The following SLC9A7 variants were observed in gnomAD, a reference collection of about 807,000 sequenced individuals.
SLC9A7 encodes solute carrier family 9 member A7.
In SLC9A7, 19 loss-of-function variants were observed where a neutral mutation model predicts 52.6. The ratio of observed to expected loss-of-function variants is 0.36; its 90% CI spans 0.25 to 0.53. The LOEUF is 0.53. Ranked by LOEUF, SLC9A7 falls within the 20% of genes least tolerant of loss-of-function variation. The probability of loss-of-function intolerance (pLI) is 0.91; values close to 1 mark genes in which losing one functional copy is unlikely to be tolerated. For synonymous variants in SLC9A7, 226 were observed against 252.1 expected (o/e 0.90, Z 0.98); for missense variants, 455 against 597.9 (o/e 0.76, Z 2.49).
chrX:46,706,865 C>T (rs1179881506), intron 1 of SLC9A7, among the ~76,000 whole-genome samples: 7 of 111,344 alleles, frequency 6.3e-5, no homozygotes, highest in Admixed American at 1.9e-4. Flanking sequence ...CTCAGCCTCC[C>T]GAGTAGCTGG....
chrX:46,649,070 ATATC>A (rs60152703), intron 10 of SLC9A7, among the ~76,000 whole-genome samples: 53 of 105,398 alleles, frequency 5.0e-4, no homozygotes, highest in South Asian at 2.6e-3. Context: ...AATTCAACTG[ATATC>A]TATCTATCTA....
At chrX:46,708,184 G>T (rs1944633272) in intron 1 of SLC9A7, among the ~76,000 whole-genome samples, 1 of 111,807 alleles carries the variant, frequency 8.9e-6, no homozygotes, top group African/African-American at 3.3e-5. Flanking sequence ...CACGAAAAAT[G>T]ATATACTCTG....
intron 7 of SLC9A7, among the ~76,000 whole-genome samples, chrX:46,656,451 G>T (rs201234966): frequency 2.8e-5 from 3 of 105,595 alleles, no homozygotes; most frequent in African/African-American, 1.1e-4. Context: ...TCAAACCAAA[G>T]GCAAAGAAGT....
Position 46,606,826 on chromosome X carries a change from A to G in SLC9A7, c.*126T>C. 1.7e-6 allele frequency: 2 copies of G among 1,150,274 alleles called. No homozygotes were observed. 94.8% of individuals were successfully genotyped at this position (1,150,274 alleles called of 1,213,427 possible). A position where few individuals can be genotyped will look rare whatever the true frequency, so the allele number is the denominator to read the frequency against. The stretch of plus-strand genomic sequence containing the variant: ...AAATTTTAAGTGTTACAATAGCTTC[A>G]GACCCCAATAAAATAGAAGAGTTAG... On this transcript the variant is annotated 3_prime_UTR_variant, in exon 17 of 17. Transcript: ENST00000616978.
At chrX:46,648,845 A>G (rs1943536135) in intron 10 of SLC9A7, 48 bp from the exon 11 acceptor site, 1 of 938,516 alleles carries the variant, frequency 1.1e-6, no homozygotes, top group Non-Finnish European at 1.5e-6. Context: ...CCAGAATGGC[A>G]TTCCACACAA....
chrX:46,708,933 T>G (rs1267283577), intron 1 of SLC9A7, among the ~76,000 whole-genome samples: 2 of 111,458 alleles, frequency 1.8e-5, no homozygotes, highest in African/African-American at 6.5e-5. Context: ...GGGACAAAAA[T>G]CCTGCCCTCC....
At chrX:46,750,878 A>G (rs1250630081) in intron 1 of SLC9A7, among the ~76,000 whole-genome samples, 1 of 112,537 alleles carries the variant, frequency 8.9e-6, no homozygotes, top group Non-Finnish European at 1.9e-5. Flanking sequence ...TGTCCTTTAC[A>G]TTTGTATGTA....
intron 1 of SLC9A7, among the ~76,000 whole-genome samples, chrX:46,698,576 G>C (rs1411593): frequency 0.25 from 28,083 of 110,419 alleles, 3,048 homozygotes; most frequent in East Asian, 0.56. Flanking sequence ...TTTATGGACT[G>C]GTTGTTCTCT....
At chrX:46,730,622 T>C (rs1415415924) in intron 1 of SLC9A7, among the ~76,000 whole-genome samples, 4 of 89,567 alleles carry the variant, frequency 4.5e-5, no homozygotes, top group Non-Finnish European at 6.5e-5. Context: ...ATCACACCAC[T>C]GCACTCCAGC....
At chrX:46,725,923 A>C in intron 1 of SLC9A7, 1 of 354,696 alleles carries the variant, frequency 2.8e-6, no homozygotes, top group Non-Finnish European at 5.1e-6. Flanking sequence ...AGAAGGGTTC[A>C]GAGCAGGGAG....
chrX:46,654,773 C>T (rs1329327860), intron 7 of SLC9A7, among the ~76,000 whole-genome samples: 1 of 111,141 alleles, frequency 9.0e-6, no homozygotes, highest in Non-Finnish European at 1.9e-5. Context: ...TGCCATTCAA[C>T]ACACGGCCAG....
At chrX:46,750,859 G>A (rs1180233554) in intron 1 of SLC9A7, among the ~76,000 whole-genome samples, 1 of 112,395 alleles carries the variant, frequency 8.9e-6, no homozygotes, top group Non-Finnish European at 1.9e-5. Context: ...CAACCAAGAT[G>A]TCCTTCAGTG....
intron 1 of SLC9A7, among the ~76,000 whole-genome samples, chrX:46,745,845 A>T (rs78318675): frequency 5.3e-5 from 5 of 94,451 alleles, no homozygotes; most frequent in Non-Finnish European, 8.2e-5. Context: ...TGTCTCTATT[A>T]AAAAAAAAAA....
At chrX:46,658,557 C>G (rs1602190962) in intron 7 of SLC9A7, among the ~76,000 whole-genome samples, 1 of 110,992 alleles carries the variant, frequency 9.0e-6, no homozygotes. Flanking sequence ...ACCGATCCCA[C>G]AGAAACACAA....
rs1943549810 is a variant in SLC9A7, at chrX:46,649,564, G to A, written c.1351-767C>T. ...AGCTTAGAATAGTGCCCAACTGAGA[G>A]AGCTACACACTCCCCTGGTCAGAGA... On this transcript the variant is annotated intron_variant, in intron 10 of 16. Coordinates refer to ENST00000616978, the MANE Select transcript of SLC9A7 (RefSeq NM_001257291.2). Among the ~76,000 whole-genome samples the A allele has an allele frequency of 4.5e-5, 5 of 111,882 alleles. No homozygotes were observed. The Admixed American group carries it at 4.7e-4, about 11-fold the overall frequency.
Position 46,745,172 on chromosome X carries a change from C to A in SLC9A7, c.325+13533G>T, listed in dbSNP as rs182588762. 5.2e-4 allele frequency among the ~76,000 whole-genome samples: 58 copies of A among 111,848 alleles called. No homozygotes were observed. The East Asian group carries it at 0.016, about 32-fold the overall frequency. ...TGGCATTTTGCTTGCCCTTGTCCCA[C>A]CCCCTCACCAGCTCAGCAGTGGTCT... On this transcript the variant is annotated intron_variant, in intron 1 of 16. Transcript: ENST00000616978.
Position 46,662,033 on chromosome X carries a change from C to T in SLC9A7, c.1024G>A (p.Gly342Ser), listed in dbSNP as rs774393844. Reference sequence around the variant, plus strand: ...AAGGATATTAGAGCAGTCACAACACCAGTCACAGCTCCCATGGTAAAAGAG... The same window carrying T: ...AAGGATATTAGAGCAGTCACAACACTAGTCACAGCTCCCATGGTAAAAGAG... Reference protein sequence around the residue: ...SGSFTMGAVTGVVTALVTKFT... With the variant: ...SGSFTMGAVTSVVTALVTKFT... The change falls in exon 7 of 17, where the codon GGT becomes AGT. Residue 342 changes from glycine to serine, a missense_variant. By Grantham distance (56) the Gly-to-Ser change is moderately conservative. This residue lies in a region of SLC9A7 where 304 missense variants were observed against 417.8 expected (regional missense o/e 0.73). Transcript: ENST00000616978. The T allele has an allele frequency of 5.0e-6, 6 of 1,197,241 alleles. No homozygotes were observed. The highest frequency in any genetic ancestry group is 6.8e-6 in the Non-Finnish European group (6 of 887,677).
intron 14 of SLC9A7, among the ~76,000 whole-genome samples, chrX:46,625,281 G>A (rs984376914): frequency 1.9e-5 from 2 of 107,577 alleles, no homozygotes; most frequent in Non-Finnish European, 3.8e-5. Flanking sequence ...CATGTGGTAG[G>A]CAGAATAATG....
intron 1 of SLC9A7, among the ~76,000 whole-genome samples, chrX:46,697,072 A>T (rs1944458863): frequency 8.9e-6 from 1 of 111,828 alleles, no homozygotes. Flanking sequence ...GAGATCATAA[A>T]CAGGGAGGAA....
Sources: gnomAD v4.1 joint callset for allele counts (sites outside exome capture counted in the v4.1 genomes callset) on GRCh38, gnomAD v4.1.1 for gene constraint, gnomAD v4.1.1 regional missense constraint, MANE v1.5 for transcripts, NCBI Gene and HGNC (gene_info 2026-07-23, HGNC 2026-07-21) for gene names.